The following NAALADL2 variants were observed in gnomAD, a reference collection of about 807,000 sequenced individuals.
NAALADL2 encodes N-acetylated alpha-linked acidic dipeptidase like 2, also known as inactive N-acetylated-alpha-linked acidic dipeptidase-like protein 2.
A neutral mutation model predicts 87.2 loss-of-function variants in NAALADL2; 76 were observed. The ratio of observed to expected loss-of-function variants is 0.87; its 90% CI spans 0.72 to 1.05. The LOEUF (loss-of-function observed/expected upper bound fraction) is 1.05, where lower values mean the gene tolerates loss of function less well. NAALADL2 is among the 50% of genes least tolerant of loss of function. The probability of loss-of-function intolerance (pLI) is 0.00; values close to 1 mark genes in which losing one functional copy is unlikely to be tolerated. For synonymous variants in NAALADL2, 354 were observed against 331.0 expected (o/e 1.07, Z -0.75); for missense variants, 1,089 against 945.8 (o/e 1.15, Z -1.99).
chr3:175,322,912 T>C (rs1197929969), intron 4 of NAALADL2, among the ~76,000 whole-genome samples: 1 of 151,532 alleles, frequency 6.6e-6, no homozygotes, highest in Non-Finnish European at 1.5e-5. Flanking sequence ...AGTTCAACCA[T>C]TGTGGAAGTC....
At chr3:174,850,236 C>A (rs1014465748) in intron 3 of NAALADL2, among the ~76,000 whole-genome samples, 1 of 152,012 alleles carries the variant, frequency 6.6e-6, no homozygotes, top group Non-Finnish European at 1.5e-5. Context: ...TCTAGCCTAT[C>A]CTGTAAGATT....
chr3:174,754,070 T>A (rs969803152), intron 3 of NAALADL2, among the ~76,000 whole-genome samples: 27 of 152,212 alleles, frequency 1.8e-4, no homozygotes, highest in African/African-American at 6.5e-4. Context: ...ACCCACCCAG[T>A]CTATGGTATT....
chr3:175,522,593 A>G (rs550196723), intron 9 of NAALADL2, among the ~76,000 whole-genome samples: 1 of 152,350 alleles, frequency 6.6e-6, no homozygotes, highest in South Asian at 2.1e-4. Context: ...TCTAAGTAAG[A>G]TATAGTTGAA....
At chr3:175,011,479 A>G (rs1749817772) in intron 1 of NAALADL2, among the ~76,000 whole-genome samples, 1 of 152,146 alleles carries the variant, frequency 6.6e-6, no homozygotes, top group Non-Finnish European at 1.5e-5. Flanking sequence ...TATATAGCAA[A>G]AGAGAATAGT....
chr3:175,708,991 A>G (rs1246650111), intron 11 of NAALADL2, among the ~76,000 whole-genome samples: 1 of 151,976 alleles, frequency 6.6e-6, no homozygotes, highest in East Asian at 1.9e-4. Context: ...GTACTTTACA[A>G]CAGCTTACAT....
intron 1 of NAALADL2, among the ~76,000 whole-genome samples, chr3:175,029,544 C>T (rs1280453277): frequency 6.6e-6 from 1 of 151,938 alleles, no homozygotes; most frequent in African/African-American, 2.4e-5. Context: ...TATATATACA[C>T]AAACTGAAAG....
At chr3:175,115,905 T>C (rs536217046) in intron 2 of NAALADL2, among the ~76,000 whole-genome samples, 3 of 152,002 alleles carry the variant, frequency 2.0e-5, no homozygotes, top group African/African-American at 7.2e-5. Flanking sequence ...GTTGGCTTCA[T>C]CCCTGGGATG....
intron 2 of NAALADL2, among the ~76,000 whole-genome samples, chr3:175,118,005 T>A (rs566289918): frequency 1.3e-5 from 2 of 152,066 alleles, no homozygotes; most frequent in South Asian, 4.2e-4. Context: ...CTGAGCAAAC[T>A]ATTGCAAGGA....
At position 175,625,462 on chromosome 3, in the gene NAALADL2, T is replaced by C. The variant is rs142727552; in HGVS notation, c.1801-1829T>C. Among the ~76,000 whole-genome samples, 9 of 152,174 alleles carry C rather than the reference T, an allele frequency of 5.9e-5. No individual in the cohort carries two copies. The East Asian group carries it at 1.5e-3, about 26-fold the overall frequency. ...TGCGAGAAGTGCACATGGGACTTTT[T>C]AGATTTAATTTTATTTAGTCTAAGC... is the stretch of plus-strand genomic sequence containing the variant. On this transcript the variant is annotated intron_variant, in intron 10 of 13. Transcript: ENST00000454872.
At chr3:174,476,002 C>G (rs911074402) in intron 1 of NAALADL2, among the ~76,000 whole-genome samples, 51 of 151,922 alleles carry the variant, frequency 3.4e-4, no homozygotes, top group Admixed American at 1.3e-3. Flanking sequence ...TGTATTAGAT[C>G]TTAAAAATTA....
chr3:174,999,309 AG>A (rs1367585549), intron 1 of NAALADL2, among the ~76,000 whole-genome samples: 2 of 151,190 alleles, frequency 1.3e-5, no homozygotes, highest in Admixed American at 6.6e-5. Context: ...AGCAGCTAAT[AG>A]GGGGAAAATT....
rs932080102 is a variant in NAALADL2 at position 175,467,145 on chromosome 3, A to G, written c.1494A>G (p.Gly498=). 22 of 1,613,726 alleles carry G rather than the reference A, an allele frequency of 1.4e-5. No individual in the cohort carries two copies. The highest frequency in any genetic ancestry group is 1.8e-5 in the Non-Finnish European group (21 of 1,179,826). The stretch of plus-strand genomic sequence containing the variant: ...CTATTGTTTTCTGTTCTTGGGGAGG[A>G]ACAGCTTTTGGCAATATTGGCTCAT... ...DRTIVFCSWG[G]TAFGNIGSYE... The change falls in exon 8 of 14, where the codon GGA becomes GGG. Residue 498 remains glycine (G), a synonymous_variant. Coordinates refer to ENST00000454872, the MANE Select transcript of NAALADL2 (RefSeq NM_207015.3).
At chr3:174,886,689 C>T (rs1455655907) in intron 1 of NAALADL2, among the ~76,000 whole-genome samples, 1 of 152,168 alleles carries the variant, frequency 6.6e-6, no homozygotes, top group East Asian at 1.9e-4. Context: ...AAGCGATATT[C>T]ATTTTTCTCC....
At position 174,909,170 on chromosome 3, in the gene NAALADL2, C is replaced by T. The variant is rs139954496; in HGVS notation, c.43+49720C>T. 3.5e-3 allele frequency among the ~76,000 whole-genome samples: 532 copies of T among 152,134 alleles called. 2 individuals carry two copies. Among genetic ancestry groups the T allele is most frequent in the Non-Finnish European group, 5.4e-3 (370 of 68,008 alleles). ...TTGGGAGACCCAGGCAGGCGGATCA[C>T]CTCACCTGAGGTCAGGAGTTCAAGA... On this transcript the variant is annotated intron_variant, in intron 1 of 13. Coordinates refer to ENST00000454872, the MANE Select transcript of NAALADL2 (RefSeq NM_207015.3).
intron 3 of NAALADL2, among the ~76,000 whole-genome samples, chr3:174,831,982 A>C (rs1722760641): frequency 6.6e-6 from 1 of 151,462 alleles, no homozygotes; most frequent in South Asian, 2.1e-4. Flanking sequence ...TATTGCGTCT[A>C]TTTGATTCTT....
chr3:174,936,980 T>C (rs1269491580), intron 1 of NAALADL2, among the ~76,000 whole-genome samples: 1 of 152,098 alleles, frequency 6.6e-6, no homozygotes, highest in Non-Finnish European at 1.5e-5. Flanking sequence ...ATGTGCAGTA[T>C]AGTGTCCTTT....
intron 4 of NAALADL2, among the ~76,000 whole-genome samples, chr3:175,292,808 T>G (rs1244972415): frequency 6.6e-6 from 1 of 151,424 alleles, no homozygotes; most frequent in African/African-American, 2.4e-5. Context: ...GAGGCCGAGG[T>G]GGGTGGATCT....
At chr3:174,561,452 G>C (rs891201444) in intron 2 of NAALADL2, among the ~76,000 whole-genome samples, 1 of 151,816 alleles carries the variant, frequency 6.6e-6, no homozygotes, top group Non-Finnish European at 1.5e-5. Flanking sequence ...CACCCTCCTC[G>C]GCCTCCCAAA....
upstream of NAALADL2, among the ~76,000 whole-genome samples, chr3:174,855,883 TATGAATATATATACACATAG>T (rs1337213529): frequency 0.023 from 3,348 of 145,990 alleles, 182 homozygotes; most frequent in African/African-American, 0.081. Flanking sequence ...TATACATACA[TATGAATATATATACACATAG>T]ATATGAATAT....
Sources: allele counts gnomAD v4.1 joint callset (sites outside exome capture counted in the v4.1 genomes callset), GRCh38; gene constraint gnomAD v4.1.1; transcripts MANE v1.5; gene names NCBI Gene and HGNC (gene_info 2026-07-23, HGNC 2026-07-21).